Variants in DRC7 observed in about 807,000 individuals in gnomAD.
The protein encoded by DRC7 is dynein regulatory complex subunit 7, also known as coiled-coil domain containing 135.
In DRC7, 80 loss-of-function variants were observed where a neutral mutation model predicts 104.4. The ratio of observed to expected loss-of-function variants is 0.77; its 90% CI spans 0.64 to 0.92. The LOEUF (loss-of-function observed/expected upper bound fraction) is 0.92. Among genes scored for constraint, DRC7 ranks in the 40% least tolerant of loss-of-function variants. The pLI is 0.00. For missense variants in DRC7, 1,034 were observed against 1,141.1 expected (o/e 0.91, Z 1.35); for synonymous variants, 405 against 447.3 (o/e 0.91, Z 1.19).
chr16:57,724,309 CAAAAAA>C (rs35767816), intron 12 of DRC7, among the ~76,000 whole-genome samples: 1 of 80,706 alleles, frequency 1.2e-5, no homozygotes, highest in Admixed American at 1.4e-4. Context: ...GGCTGTGTCT[CAAAAAA>C]AAAAAAAAAA....
Position 57,700,275 on chromosome 16 carries a change from G to A in DRC7, c.504+5G>A, listed in dbSNP as rs377320797. 6.2e-7 allele frequency: 1 copy of A among 1,611,880 alleles called. No homozygotes were observed. The highest frequency in any genetic ancestry group is 8.5e-7 in the Non-Finnish European group (1 of 1,178,546). ...CTGCCTGACCCTCTCAAGCCGGTAA[G>A]CACCACTCACAGGCTGCATGCCTGA... On this transcript the variant is annotated splice_donor_5th_base_variant and intron_variant, in intron 5 of 18. Transcript: ENST00000360716.
At chr16:57,713,463 ACC>A (rs1436024801) in intron 8 of DRC7, among the ~76,000 whole-genome samples, 2,008 of 152,226 alleles carry the variant, frequency 0.013, 49 homozygotes, top group African/African-American at 0.045. Context: ...TGATGAATTA[ACC>A]TCTCTATCGG....
rs376488212 is a variant in DRC7 at position 57,731,221 on chromosome 16, A to G, written c.2588A>G (p.Asp863Gly). 6.2e-6 allele frequency: 10 copies of G among 1,613,584 alleles called. No homozygotes were observed. The highest frequency in any genetic ancestry group is 8.5e-6 in the Non-Finnish European group (10 of 1,179,976). Reference protein sequence around the residue: ...YLALEEKLYKDPRLGELQKIF... With the variant: ...YLALEEKLYKGPRLGELQKIF... The stretch of plus-strand genomic sequence containing the variant: ...GCTCTGGAGGAAAAGCTCTACAAGG[A>G]CCCACGCCTGGGGGAGCTCCAGAAA... Residue 863 changes from aspartate to glycine, a missense_variant, in exon 19 of 19, where the codon GAC becomes GGC. By Grantham distance (94) the Asp-to-Gly change is moderately conservative. Transcript: ENST00000360716.
chr16:57,726,063 C>G lies in DRC7; in HGVS notation c.1759-5C>G, dbSNP rs2048959939. ...GCTCATCCTTTGCATGTTCTGGCCT[C>G]CCAGAAAATCACAGAGCGGTTCTTC... On this transcript the variant is annotated splice_polypyrimidine_tract_variant and splice_region_variant and intron_variant, in intron 13 of 18. Transcript: ENST00000360716. The G allele has an allele frequency of 6.2e-7, 1 of 1,611,666 alleles. No individual in the cohort carries two copies. Among genetic ancestry groups the G allele is most frequent in the African/African-American group, 1.3e-5 (1 of 74,928 alleles).
chr16:57,698,287 T>C, intron 3 of DRC7, 135 bp downstream of exon 3: 1 of 1,344,510 alleles, frequency 7.4e-7, no homozygotes, highest in Non-Finnish European at 1.0e-6. Context: ...GAAGGCTTTC[T>C]GCTTTCAAAT....
intron 8 of DRC7, among the ~76,000 whole-genome samples, chr16:57,712,471 C>T (rs759231426): frequency 1.1e-4 from 17 of 152,170 alleles, no homozygotes; most frequent in Non-Finnish European, 2.2e-4. Context: ...GTCCCACCTT[C>T]TGGTCAGTAA....
chr16:57,731,525 A>C lies in DRC7; in HGVS notation c.*267A>C. On this transcript the variant is annotated 3_prime_UTR_variant, in exon 19 of 19. Coordinates refer to ENST00000360716, the MANE Select transcript of DRC7 (RefSeq NM_001289162.2). ...CTTCTGTTATCTATAGCCTGGGACC[A>C]CCCCCTTCCTCCCCTTGGCCTGTCG... is the stretch of plus-strand genomic sequence containing the variant. 4.2e-5 allele frequency: 20 copies of C among 474,482 alleles called. No homozygotes were observed. The highest frequency in any genetic ancestry group is 1.1e-4 in the South Asian group (4 of 36,878). 29.4% of individuals were successfully genotyped at this position (474,482 alleles called of 1,614,324 possible).
chr16:57,711,345 C>T (rs1193815602), intron 8 of DRC7, among the ~76,000 whole-genome samples: 1 of 152,234 alleles, frequency 6.6e-6, no homozygotes, highest in African/African-American at 2.4e-5. Flanking sequence ...CTCTCTTTTG[C>T]TCCTGATCAA....
At chr16:57,721,375 G>T (rs766274686) in intron 9 of DRC7, among the ~76,000 whole-genome samples, 3 of 152,164 alleles carry the variant, frequency 2.0e-5, no homozygotes, top group Non-Finnish European at 4.4e-5. Flanking sequence ...TTGGAGAGAG[G>T]GTGGGGCTTG....
At chr16:57,711,215 A>G (rs1425091183) in intron 8 of DRC7, among the ~76,000 whole-genome samples, 2 of 152,210 alleles carry the variant, frequency 1.3e-5, no homozygotes, top group African/African-American at 2.4e-5. Flanking sequence ...TGTCCATTTC[A>G]TTTGTTTTCA....
chr16:57,716,795 C>T (rs934459706), intron 8 of DRC7, among the ~76,000 whole-genome samples: 1 of 152,110 alleles, frequency 6.6e-6, no homozygotes, highest in Non-Finnish European at 1.5e-5. Flanking sequence ...CTCTGATTTC[C>T]TCTGGAACAT....
chr16:57,727,016 G>T, intron 15 of DRC7, 74 bp downstream of exon 15: 1 of 962,400 alleles, frequency 1.0e-6, no homozygotes, highest in East Asian at 2.6e-5. Context: ...CTATAACCCA[G>T]GCTGGAATGC....
chr16:57,710,035 T>TAC (rs1296945205), intron 8 of DRC7, among the ~76,000 whole-genome samples: 2 of 152,216 alleles, frequency 1.3e-5, no homozygotes, highest in African/African-American at 4.8e-5. Context: ...GTGCTGGGAT[T>TAC]ACAGGCTTGA....
At chr16:57,705,108 G>A (rs1313300020) in intron 7 of DRC7, 74 bp downstream of exon 7, 1 of 1,494,536 alleles carries the variant, frequency 6.7e-7, no homozygotes, top group African/African-American at 1.4e-5. Context: ...AAGAGGCATA[G>A]GTCATGGAGG....
In DRC7 at chr16:57,723,089, A is replaced by T. The variant is rs769741433; in HGVS notation, c.1496A>T (p.Lys499Met). 1 of 1,613,874 alleles carries T rather than the reference A, an allele frequency of 6.2e-7. No individual in the cohort carries two copies. Residue 499 changes from lysine to methionine, a missense_variant, in exon 12 of 19, where the codon AAG (lysine) becomes ATG (methionine). Coordinates refer to ENST00000360716, the MANE Select transcript of DRC7 (RefSeq NM_001289162.2). ...CACATAAACAAGACCACAGACCTGA[A>T]GACAGACTACTTCAAGCCTGGCCAC... ...LKHINKTTDLKTDYFKPGHPQ... is the reference protein window; with the variant it reads ...LKHINKTTDLMTDYFKPGHPQ...
chr16:57,708,345 C>T (rs569400954), intron 8 of DRC7, among the ~76,000 whole-genome samples: 3 of 152,306 alleles, frequency 2.0e-5, no homozygotes, highest in South Asian at 4.1e-4. Context: ...TTGGAGTTTA[C>T]ATCAGTTGAA....
At chr16:57,696,765 G>C (rs576208929) in intron 2 of DRC7, among the ~76,000 whole-genome samples, 171 bp downstream of exon 2, 46 of 152,308 alleles carry the variant, frequency 3.0e-4, no homozygotes, top group African/African-American at 1.1e-3. Context: ...CCCACTCCCT[G>C]TTTGTATGCC....
intron 12 of DRC7, among the ~76,000 whole-genome samples, 199 bp from the exon 13 acceptor site, chr16:57,724,416 G>A (rs2048939889): frequency 6.6e-6 from 1 of 151,876 alleles, no homozygotes; most frequent in South Asian, 2.1e-4. Flanking sequence ...CGATGCAGAT[G>A]TTCATCATGG....
intron 6 of DRC7, 118 bp downstream of exon 6, chr16:57,702,248 A>G: frequency 2.0e-6 from 2 of 996,060 alleles, no homozygotes; most frequent in Non-Finnish European, 3.0e-6. Flanking sequence ...CCACGCGGAC[A>G]CAGATCCCTC....
Sources: gnomAD v4.1 joint callset for allele counts (sites outside exome capture counted in the v4.1 genomes callset) on GRCh38, gnomAD v4.1.1 for gene constraint, MANE v1.5 for transcripts, NCBI Gene and HGNC (gene_info 2026-07-23, HGNC 2026-07-21) for gene names.